POLR3D: variants seen among roughly 807,000 people sequenced by gnomAD.
The protein encoded by POLR3D is DNA-directed RNA polymerase III subunit RPC4.
POLR3D carries 42 observed loss-of-function variants against 44.5 expected under a neutral mutation model. The observed-to-expected ratio is 0.94, with a 90% confidence interval of 0.74 to 1.22. The LOEUF (loss-of-function observed/expected upper bound fraction) is 1.22. Among genes scored for constraint, POLR3D ranks in the 50% most tolerant of loss-of-function variants. POLR3D has a pLI of 0.00. For synonymous variants in POLR3D, 217 were observed against 198.1 expected, an observed-to-expected ratio of 1.10 and a Z score of -0.80; for missense variants, 507 against 505.2, an observed-to-expected ratio of 1.00 and a Z score of -0.03.
intron 7 of POLR3D, 100 bp from the exon 8 acceptor site, chr8:22,249,975 G>A (rs1830086550): frequency 7.3e-7 from 1 of 1,362,518 alleles, no homozygotes. Flanking sequence ...AGCTCATTTT[G>A]ACCTTTGCTG....
intron 2 of POLR3D, among the ~76,000 whole-genome samples, chr8:22,246,229 G>A (rs1245460865): frequency 6.6e-6 from 1 of 152,048 alleles, no homozygotes; most frequent in East Asian, 1.9e-4. Context: ...CCAGGTTTGA[G>A]CGATTCTCCT....
Position 22,247,285 on chromosome 8 carries a change from A to C in POLR3D, c.209+21A>C, listed in dbSNP as rs139417336. 3.2e-4 allele frequency: 508 copies of C among 1,594,328 alleles called. 2 individuals carry two copies. The African/African-American group carries it at 6.2e-3, about 19-fold the overall frequency. On this transcript the variant is annotated intron_variant, in intron 3 of 8. Transcript: ENST00000306433. ...GAAGAGTAAGTAGCTAGGCCTTCTG[A>C]ATACTTGCCCCTTATTTACTTGCTC...
At chr8:22,250,268 G>A (rs1830091075) in intron 8 of POLR3D, 41 bp downstream of exon 8, 3 of 1,612,508 alleles carry the variant, frequency 1.9e-6, no homozygotes, top group Non-Finnish European at 2.5e-6. Context: ...CCTTTCAGGA[G>A]TGAAGGAGGA....
chr8:22,248,457 G>C, intron 5 of POLR3D, 24 bp from the exon 6 acceptor site: 1 of 1,610,670 alleles, frequency 6.2e-7, no homozygotes, highest in Non-Finnish European at 8.5e-7. Context: ...TAGCAGGCTG[G>C]ATGACCCAGA....
rs533461995 is a variant in POLR3D at position 22,245,174 on chromosome 8, C to A, written c.-15C>A. 4 of 585,764 alleles carry A rather than the reference C, an allele frequency of 6.8e-6. No individual in the cohort carries two copies. Among genetic ancestry groups the A allele is most frequent in the East Asian group, 6.1e-5 (2 of 32,696 alleles). 36.3% of individuals were successfully genotyped at this position (585,764 alleles called of 1,614,324 possible). ...CGGAGACCGAAGGCTGGCGGCTGGT[C>A]GCGTTGCAGGTGAGGTTGTGACGCG... On this transcript the variant is annotated 5_prime_UTR_variant, in exon 1 of 9. Transcript: ENST00000306433.
In POLR3D at chr8:22,247,201, C is replaced by T; in HGVS notation, c.166-20C>T. The T allele has an allele frequency of 6.2e-7, 1 of 1,602,638 alleles. No homozygotes were observed. The highest frequency in any genetic ancestry group is 8.5e-7 in the Non-Finnish European group (1 of 1,170,270). On this transcript the variant is annotated intron_variant, in intron 2 of 8. Coordinates refer to ENST00000306433, the MANE Select transcript of POLR3D (RefSeq NM_001722.3). ...GGGTCAGAACCTAACACATCAGTGA[C>T]TCCTGTATTTTGCTTTCAGAAAACC...
rs1426380587 is a variant in POLR3D, at chr8:22,248,003, A to G, written c.356A>G (p.Lys119Arg). The G allele has an allele frequency of 1.2e-6, 2 of 1,613,598 alleles. No individual in the cohort carries two copies. The highest frequency in any genetic ancestry group is 1.3e-5 in the African/African-American group (1 of 74,918). The change falls in exon 4 of 9, where the codon AAA (lysine) becomes AGA (arginine). Residue 119 changes from lysine (K) to arginine (R), a missense_variant. By Grantham distance (26) the Lys-to-Arg change is conservative. Coordinates refer to ENST00000306433, the MANE Select transcript of POLR3D (RefSeq NM_001722.3). ...CAGGGCCCAGCTGAAATGATGAAGA[A>G]AAAAGGTATAAGGAAGGAATCAGTG... ...FEQGPAEMMK[K>R]KGNWDKTVDV...
At position 22,248,654 on chromosome 8, in the gene POLR3D, T is replaced by G. The variant is rs763952577; in HGVS notation, c.655+5T>G. ...TGGACATACCTGCTGTGAAAGGTAC[T>G]CTGTCGGTTAACTTCTCATCTCCAA... On this transcript the variant is annotated splice_donor_5th_base_variant and intron_variant, in intron 6 of 8. Transcript: ENST00000306433. 2.9e-5 allele frequency: 46 copies of G among 1,610,246 alleles called. No individual in the cohort carries two copies. The highest frequency in any genetic ancestry group is 4.0e-5 in the African/African-American group (3 of 74,828).
At chr8:22,249,999 G>A (rs941959609) in intron 7 of POLR3D, 76 bp from the exon 8 acceptor site, 2 of 1,532,752 alleles carry the variant, frequency 1.3e-6, no homozygotes, top group Admixed American at 1.7e-5. Context: ...CTTTCTCTTG[G>A]GGAGTAGAAG....
chr8:22,254,472 T>TA lies in POLR3D; in HGVS notation c.*3954_*3955insA, dbSNP rs1019540306. ...CAGCCTGGGCAACATGGTGAAACCT[T>TA]GTCTCTGAAAAATAAATAATACACA... On this transcript the variant is annotated 3_prime_UTR_variant, in exon 9 of 9. Coordinates refer to ENST00000306433, the MANE Select transcript of POLR3D (RefSeq NM_001722.3). 1 of 152,148 alleles carries TA rather than the reference T, an allele frequency of 6.6e-6. No individual in the cohort carries two copies. The highest frequency in any genetic ancestry group is 2.4e-5 in the African/African-American group (1 of 41,426). 9.4% of individuals were successfully genotyped at this position (152,148 alleles called of 1,614,324 possible).
In POLR3D at chr8:22,252,596, A is replaced by G. The variant is rs945881087; in HGVS notation, c.*2078A>G. On this transcript the variant is annotated 3_prime_UTR_variant, in exon 9 of 9. Transcript: ENST00000306433. Reference sequence around the variant, plus strand: ...CTGATGCACAAATTAGGTCTTATTAATAAGTGTGGGAAAAGAGAGGAGAGT... The same window carrying G: ...CTGATGCACAAATTAGGTCTTATTAGTAAGTGTGGGAAAAGAGAGGAGAGT... 4 of 152,180 alleles carry G rather than the reference A, an allele frequency of 2.6e-5. No individual in the cohort carries two copies. Among genetic ancestry groups the G allele is most frequent in the East Asian group, 1.9e-4 (1 of 5,196 alleles). The allele number at this position is 152,180 out of a possible 1,614,324, so 9.4% of individuals were successfully genotyped here. A position where few individuals can be genotyped will look rare whatever the true frequency, so the allele number is the denominator to read the frequency against.
intron 3 of POLR3D, among the ~76,000 whole-genome samples, 191 bp from the exon 4 acceptor site, chr8:22,247,666 C>G (rs929623937): frequency 1.3e-5 from 2 of 152,110 alleles, no homozygotes; most frequent in African/African-American, 4.8e-5. Flanking sequence ...TAAAGTAAAG[C>G]AAACTGAAAA....
chr8:22,245,311 C>T (rs1420407026), intron 1 of POLR3D, 128 bp downstream of exon 1: 15 of 597,340 alleles, frequency 2.5e-5, no homozygotes, highest in Non-Finnish European at 3.7e-5. Context: ...GGAGTCTCGC[C>T]ACGTGGGAGG....
At chr8:22,246,137 T>C (rs942152175) in intron 2 of POLR3D, among the ~76,000 whole-genome samples, 6 of 148,626 alleles carry the variant, frequency 4.0e-5, no homozygotes, top group Non-Finnish European at 5.9e-5. Context: ...TTGGTTTTGG[T>C]TTTTTTTGAG....
In POLR3D at chr8:22,251,733, C is replaced by T. The variant is rs1009920593; in HGVS notation, c.*1215C>T. The T allele has an allele frequency of 6.6e-6, 1 of 152,362 alleles. No homozygotes were observed. Among genetic ancestry groups the T allele is most frequent in the Non-Finnish European group, 1.5e-5 (1 of 68,080 alleles). 9.4% of individuals were successfully genotyped at this position (152,362 alleles called of 1,614,324 possible). A position where few individuals can be genotyped will look rare whatever the true frequency, so the allele number is the denominator to read the frequency against. ...ACCAGGTCATTGTACTGTGTTGTCC[C>T]TGGAGGAACAGCTTCTCCTCTTGTC... On this transcript the variant is annotated 3_prime_UTR_variant, in exon 9 of 9. Transcript: ENST00000306433.
chr8:22,245,366 C>T (rs1407857494), intron 1 of POLR3D, 79 bp from the exon 2 acceptor site: 15 of 1,131,078 alleles, frequency 1.3e-5, no homozygotes, highest in Non-Finnish European at 4.6e-6. Context: ...ACTGGGGGAC[C>T]GGAAAGCAAG....
chr8:22,248,126 C>T (rs1371116738), intron 4 of POLR3D, 28 bp from the exon 5 acceptor site: 1 of 1,612,078 alleles, frequency 6.2e-7, no homozygotes, highest in South Asian at 1.1e-5. Context: ...CCTTATCGAT[C>T]CCTAGTGACC....
At position 22,253,506 on chromosome 8, in the gene POLR3D, T is replaced by A. The variant is rs1313732927; in HGVS notation, c.*2988T>A. ...TGGCAGTTGGATAGACAATTCATAG[T>A]AGCTGCTGCCATGTTCAAAAAATGC... On this transcript the variant is annotated 3_prime_UTR_variant, in exon 9 of 9. Transcript: ENST00000306433. The A allele has an allele frequency of 1.3e-5, 2 of 152,254 alleles. No individual in the cohort carries two copies. Among genetic ancestry groups the A allele is most frequent in the Non-Finnish European group, 2.9e-5 (2 of 68,042 alleles). The allele number at this position is 152,254 out of a possible 1,614,324, so 9.4% of individuals were successfully genotyped here.
At chr8:22,247,300 T>C in intron 3 of POLR3D, 36 bp downstream of exon 3, 4 of 1,545,812 alleles carry the variant, frequency 2.6e-6, no homozygotes, top group East Asian at 2.2e-5. Context: ...TTGCCCCTTA[T>C]TTACTTGCTC....
Sources: allele counts gnomAD v4.1 joint callset (sites outside exome capture counted in the v4.1 genomes callset), GRCh38; gene constraint gnomAD v4.1.1; transcripts MANE v1.5; gene names NCBI Gene and HGNC (gene_info 2026-07-23, HGNC 2026-07-21).